DOCK2: variants seen among roughly 807,000 people sequenced by gnomAD.
DOCK2 encodes the protein dedicator of cytokinesis 2.
A neutral mutation model predicts 248.9 loss-of-function variants in DOCK2; 87 were observed. The ratio of observed to expected loss-of-function variants is 0.35; its 90% CI spans 0.29 to 0.42. DOCK2 has a LOEUF of 0.42. DOCK2 is among the 10% of genes least tolerant of loss of function. The probability of loss-of-function intolerance (pLI) is 1.00; values close to 1 mark genes in which losing one functional copy is unlikely to be tolerated. For missense variants in DOCK2, 1,747 were observed against 2,300.2 expected (o/e 0.76, Z 4.92); for synonymous variants, 805 against 821.6 (o/e 0.98, Z 0.35).
intron 15 of DOCK2, among the ~76,000 whole-genome samples, chr5:169,710,526 C>G (rs893067062): frequency 6.6e-6 from 1 of 152,190 alleles, no homozygotes; most frequent in Non-Finnish European, 1.5e-5. Context: ...GATCGTCACA[C>G]TAAGCAGAAA....
Position 169,822,141 on chromosome 5 carries a change from AG to A in DOCK2, c.2704-18615del, listed in dbSNP as rs1173196695. Among the ~76,000 whole-genome samples, 6 of 152,232 alleles carry A rather than the reference AG, an allele frequency of 3.9e-5. No homozygotes were observed. In the East Asian group the frequency reaches 7.7e-4, roughly 20 times the overall value. ...AGCAAGTCCTTAGAGACCTACAAAGAGACTTAGACTCCCACACAATAATAAT... is the reference window on the plus strand; with the variant it reads ...AGCAAGTCCTTAGAGACCTACAAAGAACTTAGACTCCCACACAATAATAAT... On this transcript the variant is annotated intron_variant, in intron 26 of 51. Transcript: ENST00000520908.
At chr5:169,736,241 G>T (rs531522288) in intron 22 of DOCK2, among the ~76,000 whole-genome samples, 1 of 152,134 alleles carries the variant, frequency 6.6e-6, no homozygotes, top group Non-Finnish European at 1.5e-5. Context: ...TTCACCCCTC[G>T]TGGCTTGCTT....
rs1242831779 is a variant in DOCK2 at position 169,764,417 on chromosome 5, AC to A, written c.2554+2795del. The stretch of plus-strand genomic sequence containing the variant: ...GACGGTGGTTCTTGGGTCACACTAG[AC>A]CCGAGTTTACTTCCTGGTTCAGCTT... On this transcript the variant is annotated intron_variant, in intron 25 of 51. Coordinates refer to ENST00000520908, the MANE Select transcript of DOCK2 (RefSeq NM_004946.3). This position sits in a 1 kb window ranked among gnomAD's most constrained non-coding sequence, Gnocchi z 4.3. Among the ~76,000 whole-genome samples the A allele has an allele frequency of 1.3e-5, 2 of 152,082 alleles. No individual in the cohort carries two copies. Among genetic ancestry groups the A allele is most frequent in the East Asian group, 3.9e-4 (2 of 5,186 alleles).
chr5:169,880,213 C>T (rs932813516), intron 27 of DOCK2, among the ~76,000 whole-genome samples: 7 of 152,304 alleles, frequency 4.6e-5, no homozygotes, highest in Non-Finnish European at 7.4e-5. Context: ...GCAGTCCTGA[C>T]GCTTCTGTTA....
intron 25 of DOCK2, among the ~76,000 whole-genome samples, chr5:169,769,471 G>C (rs1025448657): frequency 1.3e-5 from 2 of 152,340 alleles, no homozygotes; most frequent in Non-Finnish European, 2.9e-5. Context: ...GAGAATGGCT[G>C]CCAGGGTACC....
At chr5:169,930,312 ATATG>A (rs1775686074) in intron 27 of DOCK2, among the ~76,000 whole-genome samples, 1 of 152,214 alleles carries the variant, frequency 6.6e-6, no homozygotes, top group South Asian at 2.1e-4. Flanking sequence ...AAATAACCAC[ATATG>A]GGTGATGGTT....
At chr5:169,701,254 A>G (rs914051873) in intron 13 of DOCK2, among the ~76,000 whole-genome samples, 5 of 152,240 alleles carry the variant, frequency 3.3e-5, no homozygotes, top group African/African-American at 1.2e-4. Context: ...CAATAGAGCC[A>G]AGTGAGGTCT....
rs529756705 is a variant in DOCK2, at chr5:169,650,249, C to T, written c.44-4154C>T. On this transcript the variant is annotated intron_variant, in intron 1 of 51. Coordinates refer to ENST00000520908, the MANE Select transcript of DOCK2 (RefSeq NM_004946.3). Reference sequence around the variant, plus strand: ...TTCACATGGATATCTGTTGAAAACACCATGGAGTATATACTTGGCATTTAA... The same window carrying T: ...TTCACATGGATATCTGTTGAAAACATCATGGAGTATATACTTGGCATTTAA... 7.2e-5 allele frequency among the ~76,000 whole-genome samples: 11 copies of T among 152,234 alleles called. No homozygotes were observed. The South Asian group carries it at 2.3e-3, about 32-fold the overall frequency.
At chr5:169,735,972 G>A (rs190459275) in intron 22 of DOCK2, among the ~76,000 whole-genome samples, 2 of 151,766 alleles carry the variant, frequency 1.3e-5, no homozygotes, top group Non-Finnish European at 2.9e-5. Flanking sequence ...GAGAGAGAGA[G>A]GGAGAGAGAG....
chr5:169,651,774 G>A (rs1444611171), intron 1 of DOCK2, among the ~76,000 whole-genome samples: 1 of 152,202 alleles, frequency 6.6e-6, no homozygotes, highest in Non-Finnish European at 1.5e-5. Flanking sequence ...GAAGAAACAG[G>A]CTGCGTTTAT....
At chr5:169,879,260 C>T (rs548560985) in intron 27 of DOCK2, among the ~76,000 whole-genome samples, 35 of 152,280 alleles carry the variant, frequency 2.3e-4, no homozygotes, top group African/African-American at 7.5e-4. Context: ...AGAGAGATCA[C>T]GGCTTAACAA....
rs532496665 is a variant in DOCK2, at chr5:169,847,436, C to T, written c.2799+6584C>T. Among the ~76,000 whole-genome samples, 4 of 152,170 alleles carry T rather than the reference C, an allele frequency of 2.6e-5. No homozygotes were observed. In the East Asian group the frequency reaches 7.7e-4, roughly 29 times the overall value. ...TATTGTGGTTTTAATTTGCATTTTC[C>T]TGATGATTAGTGATGTTGATAATTT... On this transcript the variant is annotated intron_variant, in intron 27 of 51. Transcript: ENST00000520908.
chr5:170,012,696 C>A (rs1755346145), intron 32 of DOCK2, among the ~76,000 whole-genome samples: 1 of 152,174 alleles, frequency 6.6e-6, no homozygotes, highest in Non-Finnish European at 1.5e-5. Flanking sequence ...CGGGCGGACG[C>A]CAAATGGAAT....
At chr5:169,819,495 C>A (rs910041345) in intron 26 of DOCK2, among the ~76,000 whole-genome samples, 6 of 152,158 alleles carry the variant, frequency 3.9e-5, no homozygotes, top group Admixed American at 2.6e-4. Flanking sequence ...GTAGCATGCA[C>A]CTGTAGTCCC....
intron 25 of DOCK2, among the ~76,000 whole-genome samples, chr5:169,770,304 T>C (rs1366305059): frequency 1.3e-5 from 2 of 149,648 alleles, no homozygotes; most frequent in African/African-American, 4.9e-5. Context: ...TTTTTTTTTT[T>C]TTTTTTTTTG....
At chr5:169,863,244 G>A (rs1054295620) in intron 27 of DOCK2, among the ~76,000 whole-genome samples, 1 of 152,110 alleles carries the variant, frequency 6.6e-6, no homozygotes, top group African/African-American at 2.4e-5. Context: ...TTTCAATCAG[G>A]TGACCATTGT....
rs925540616 is a variant in DOCK2 at position 169,728,856 on chromosome 5, C to T, written c.2267+10065C>T. Among the ~76,000 whole-genome samples, 3 of 152,184 alleles carry T rather than the reference C, an allele frequency of 2.0e-5. No homozygotes were observed. The South Asian group carries it at 6.2e-4, about 31-fold the overall frequency. ...GCAAAGCGTAAGACACTGGTCTTGT[C>T]TGCTTCCACCTCCCTTTAAATGGTG... On this transcript the variant is annotated intron_variant, in intron 22 of 51. Transcript: ENST00000520908.
chr5:169,907,907 G>C (rs1332617255), intron 27 of DOCK2, among the ~76,000 whole-genome samples: 1 of 152,234 alleles, frequency 6.6e-6, no homozygotes, highest in Non-Finnish European at 1.5e-5. Context: ...CCGTTGGCCA[G>C]TCCGTGTCGG....
intron 26 of DOCK2, among the ~76,000 whole-genome samples, chr5:169,813,335 A>G (rs2113196648): frequency 6.6e-6 from 1 of 152,310 alleles, no homozygotes; most frequent in South Asian, 2.1e-4. Flanking sequence ...TCTTGAGGTT[A>G]TTTACATCTA....
Sources: gnomAD v4.1 joint callset for allele counts (sites outside exome capture counted in the v4.1 genomes callset) on GRCh38, gnomAD v4.1.1 for gene constraint, Gnocchi (gnomAD v3.1) non-coding constraint, MANE v1.5 for transcripts, NCBI Gene and HGNC (gene_info 2026-07-23, HGNC 2026-07-21) for gene names.